The following CARMIL1 variants were observed in gnomAD, a reference collection of about 807,000 sequenced individuals.
CARMIL1 encodes the protein capping protein regulator and myosin 1 linker 1.
A neutral mutation model predicts 177.1 loss-of-function variants in CARMIL1; 90 were observed. That is an observed-to-expected ratio of 0.51 (90% CI 0.43 to 0.61). The LOEUF (loss-of-function observed/expected upper bound fraction) is 0.61, where lower values mean the gene tolerates loss of function less well. Ranked by LOEUF, CARMIL1 falls within the 20% of genes least tolerant of loss-of-function variation. The pLI is 0.00. For synonymous variants in CARMIL1, 577 were observed against 606.2 expected, an observed-to-expected ratio of 0.95 and a Z score of 0.71; for missense variants, 1,380 against 1,667.0, an observed-to-expected ratio of 0.83 and a Z score of 3.00.
chr6:25,453,866 C>G (rs527905164), intron 8 of CARMIL1, among the ~76,000 whole-genome samples: 2 of 151,986 alleles, frequency 1.3e-5, no homozygotes, highest in Admixed American at 6.6e-5. Flanking sequence ...CAGCTTGAGG[C>G]GTTTTTTTTG....
chr6:25,568,679 A>G (rs139176104), intron 29 of CARMIL1, among the ~76,000 whole-genome samples: 8 of 152,320 alleles, frequency 5.3e-5, no homozygotes, highest in Admixed American at 1.3e-4. Flanking sequence ...AGCATGGCCA[A>G]AATGACTTTT....
Position 25,436,135 on chromosome 6 carries a change from A to G in CARMIL1, c.371+531A>G, listed in dbSNP as rs557975204. Among the ~76,000 whole-genome samples the G allele has an allele frequency of 1.2e-4, 19 of 152,312 alleles. No individual in the cohort carries two copies. In the East Asian group the frequency reaches 2.5e-3, roughly 20 times the overall value. The stretch of plus-strand genomic sequence containing the variant: ...GTAAATTTCGTTCATCCATGCCCTC[A>G]TATTTTTTGTTAAGCTTTTAAAGTC... On this transcript the variant is annotated intron_variant, in intron 5 of 36. Coordinates refer to ENST00000329474, the MANE Select transcript of CARMIL1 (RefSeq NM_017640.6).
intron 36 of CARMIL1, 119 bp downstream of exon 36, chr6:25,610,300 G>A: frequency 1.7e-6 from 2 of 1,205,914 alleles, no homozygotes; most frequent in Non-Finnish European, 2.2e-6. Flanking sequence ...AGTCAACATT[G>A]CTTGGGTTAA....
chr6:25,583,989 GATAATCTTA>G (rs1193029670), intron 31 of CARMIL1, among the ~76,000 whole-genome samples: 1 of 149,240 alleles, frequency 6.7e-6, no homozygotes, highest in Non-Finnish European at 1.5e-5. Context: ...CATGGAAAGA[GATAATCTTA>G]TGTACTTTTA....
chr6:25,379,859 A>G (rs981907887), intron 2 of CARMIL1, among the ~76,000 whole-genome samples: 4 of 152,110 alleles, frequency 2.6e-5, no homozygotes, highest in Non-Finnish European at 5.9e-5. Context: ...GTTAAATACC[A>G]CATTTACTCA....
In CARMIL1 at chr6:25,500,106, AT is replaced by A. The variant is rs973322414; in HGVS notation, c.1326-54del. 5 of 1,478,094 alleles carry A rather than the reference AT, an allele frequency of 3.4e-6. No individual in the cohort carries two copies. In the South Asian group the frequency reaches 3.4e-5, roughly 10 times the overall value. 91.6% of individuals were successfully genotyped at this position (1,478,094 alleles called of 1,614,324 possible). On this transcript the variant is annotated intron_variant, in intron 16 of 36. Transcript: ENST00000329474. ...TCTAGGCTTTATTCAGTGTGCTTGCATTTTTTCTTTTGGGCAGTGTGTGGAA... is the reference window on the plus strand; with the variant it reads ...TCTAGGCTTTATTCAGTGTGCTTGCATTTTTCTTTTGGGCAGTGTGTGGAA...
chr6:25,579,124 TATA>T (rs931869216), intron 29 of CARMIL1, among the ~76,000 whole-genome samples: 8 of 149,784 alleles, frequency 5.3e-5, no homozygotes, highest in East Asian at 1.9e-4. Context: ...TGTTTAAAAT[TATA>T]ATATATTTGA....
chr6:25,289,577 A>G (rs1315692869), intron 2 of CARMIL1, among the ~76,000 whole-genome samples: 1 of 152,188 alleles, frequency 6.6e-6, no homozygotes, highest in Non-Finnish European at 1.5e-5. Flanking sequence ...GACCCCTAAC[A>G]TTGCCTTTTT....
intron 31 of CARMIL1, among the ~76,000 whole-genome samples, chr6:25,590,395 C>A (rs1364567004): frequency 6.6e-6 from 1 of 152,074 alleles, no homozygotes; most frequent in Non-Finnish European, 1.5e-5. Flanking sequence ...TTTATGAGAA[C>A]TTTTGCATCT....
intron 2 of CARMIL1, among the ~76,000 whole-genome samples, chr6:25,404,643 C>T (rs1794197061): frequency 6.6e-6 from 1 of 151,944 alleles, no homozygotes; most frequent in Non-Finnish European, 1.5e-5. Flanking sequence ...GTAGTCCCAG[C>T]TACTGAGGAG....
intron 27 of CARMIL1, 123 bp from the exon 28 acceptor site, chr6:25,553,886 T>C (rs1468203405): frequency 4.5e-5 from 30 of 664,254 alleles, no homozygotes; most frequent in Non-Finnish European, 7.9e-5. Context: ...CACATTCTTA[T>C]ATTCCACTTT....
intron 23 of CARMIL1, among the ~76,000 whole-genome samples, chr6:25,524,252 A>AAAAC (rs1806871583): frequency 6.6e-6 from 1 of 152,198 alleles, no homozygotes. Flanking sequence ...GGATTGCTTA[A>AAAAC]AAACAAACAA....
intron 24 of CARMIL1, among the ~76,000 whole-genome samples, chr6:25,532,846 G>T (rs1468422607): frequency 6.6e-6 from 1 of 152,146 alleles, no homozygotes; most frequent in Non-Finnish European, 1.5e-5. Flanking sequence ...TTAGGCTTTG[G>T]AGCCCATAGG....
intron 1 of CARMIL1, among the ~76,000 whole-genome samples, chr6:25,280,353 G>T (rs1780982599): frequency 6.6e-6 from 1 of 152,210 alleles, no homozygotes; most frequent in African/African-American, 2.4e-5. Context: ...AGACTTGGGG[G>T]AGTGGGCGCT....
At chr6:25,419,281 A>G (rs917399372) in intron 2 of CARMIL1, among the ~76,000 whole-genome samples, 1 of 152,228 alleles carries the variant, frequency 6.6e-6, no homozygotes, top group Admixed American at 6.5e-5. Context: ...TATTTGGAAA[A>G]TGAAAAGAGG....
Position 25,495,205 on chromosome 6 carries a change from G to A in CARMIL1, c.1315G>A (p.Glu439Lys). 1 of 1,608,972 alleles carries A rather than the reference G, an allele frequency of 6.2e-7. No individual in the cohort carries two copies. Among genetic ancestry groups the A allele is most frequent in the Non-Finnish European group, 8.5e-7 (1 of 1,177,124 alleles). Residue 439 changes from glutamate to lysine, a missense_variant, in exon 16 of 37, where the codon GAG becomes AAG. Coordinates refer to ENST00000329474, the MANE Select transcript of CARMIL1 (RefSeq NM_017640.6). Reference protein sequence around the residue: ...INLSGTKLSPEPLKALLLGLA... With the variant: ...INLSGTKLSPKPLKALLLGLA... ...CCTTTCAGGCACAAAACTGTCTCCTGAGCCCTTAAAGTGAGTGGTTAATTC... is the reference window on the plus strand; with the variant it reads ...CCTTTCAGGCACAAAACTGTCTCCTAAGCCCTTAAAGTGAGTGGTTAATTC...
intron 2 of CARMIL1, among the ~76,000 whole-genome samples, chr6:25,418,698 C>G (rs149355421): frequency 6.6e-6 from 1 of 152,286 alleles, no homozygotes; most frequent in East Asian, 1.9e-4. Flanking sequence ...GTTGCCTACA[C>G]TTTTAGAAGT....
chr6:25,608,377 T>C (rs1034574812), intron 35 of CARMIL1, among the ~76,000 whole-genome samples: 1 of 152,196 alleles, frequency 6.6e-6, no homozygotes, highest in Non-Finnish European at 1.5e-5. Flanking sequence ...AGCTTTATTA[T>C]AGGTGTGTGT....
At chr6:25,526,193 A>G (rs1184894256) in intron 23 of CARMIL1, among the ~76,000 whole-genome samples, 2 of 132,994 alleles carry the variant, frequency 1.5e-5, no homozygotes, top group Admixed American at 7.4e-5. Context: ...AAATAAATAA[A>G]TAAGCCAGGC....
Sources: allele counts gnomAD v4.1 joint callset (sites outside exome capture counted in the v4.1 genomes callset), GRCh38; gene constraint gnomAD v4.1.1; transcripts MANE v1.5; gene names NCBI Gene and HGNC (gene_info 2026-07-23, HGNC 2026-07-21).